Variants in SMYD3 observed in about 807,000 individuals in gnomAD.
The protein encoded by SMYD3 is SET and MYND domain containing 3.
In SMYD3, 36 loss-of-function variants were observed where a neutral mutation model predicts 57.7. The ratio of observed to expected loss-of-function variants is 0.62; its 90% CI spans 0.48 to 0.82. The LOEUF is 0.82. Among genes scored for constraint, SMYD3 ranks in the 40% least tolerant of loss-of-function variants. The pLI, the probability that SMYD3 is intolerant of heterozygous loss-of-function variation, is 0.00. For missense variants in SMYD3, 515 were observed against 538.8 expected (o/e 0.96, Z 0.44); for synonymous variants, 211 against 195.0 (o/e 1.08, Z -0.68).
At chr1:245,905,638 C>T (rs548194022) in intron 8 of SMYD3, among the ~76,000 whole-genome samples, 1 of 152,334 alleles carries the variant, frequency 6.6e-6, no homozygotes, top group East Asian at 1.9e-4. Flanking sequence ...CCTGGGGGAC[C>T]TCATGGCCCT....
chr1:246,432,795 T>G (rs2067316879), intron 1 of SMYD3, among the ~76,000 whole-genome samples: 2 of 152,182 alleles, frequency 1.3e-5, no homozygotes, highest in Admixed American at 1.3e-4. Flanking sequence ...TCCGAAAGCT[T>G]TTTTTAATAA....
At chr1:246,239,310 A>T (rs1254307279) in intron 5 of SMYD3, among the ~76,000 whole-genome samples, 1 of 151,804 alleles carries the variant, frequency 6.6e-6, no homozygotes, top group Non-Finnish European at 1.5e-5. Context: ...AAGTGTTCTC[A>T]TTGTTCAATT....
At chr1:246,211,519 G>C (rs535131514) in intron 5 of SMYD3, among the ~76,000 whole-genome samples, 1 of 147,624 alleles carries the variant, frequency 6.8e-6, no homozygotes, top group Admixed American at 6.9e-5. Flanking sequence ...AATTCTTTCA[G>C]ATGGGCAATG....
chr1:246,221,448 C>T (rs1272954273), intron 5 of SMYD3, among the ~76,000 whole-genome samples: 3 of 152,220 alleles, frequency 2.0e-5, no homozygotes, highest in African/African-American at 7.2e-5. Flanking sequence ...TTGCTCGCCA[C>T]GTTGTGGGCA....
At chr1:246,104,316 T>C (rs1278748241) in intron 5 of SMYD3, among the ~76,000 whole-genome samples, 2 of 152,220 alleles carry the variant, frequency 1.3e-5, no homozygotes, top group Admixed American at 6.5e-5. Context: ...ATGTCCAAAA[T>C]GATTTAAACA....
At chr1:246,146,750 A>G (rs1415865990) in intron 5 of SMYD3, among the ~76,000 whole-genome samples, 1 of 152,130 alleles carries the variant, frequency 6.6e-6, no homozygotes, top group East Asian at 1.9e-4. Context: ...AGAGCCACAT[A>G]CTCCAATTCA....
At chr1:245,894,636 G>T (rs1291741996) in intron 8 of SMYD3, among the ~76,000 whole-genome samples, 1 of 152,140 alleles carries the variant, frequency 6.6e-6, no homozygotes, top group Non-Finnish European at 1.5e-5. Flanking sequence ...GCTTTAGCAG[G>T]TATTCTAATT....
intron 1 of SMYD3, among the ~76,000 whole-genome samples, chr1:246,371,510 A>G (rs1328390163): frequency 1.3e-5 from 2 of 152,248 alleles, no homozygotes; most frequent in Non-Finnish European, 2.9e-5. Context: ...GAAGAAAAAA[A>G]TCTGATTTTT....
At chr1:245,865,229 A>G (rs2051768262) in intron 8 of SMYD3, among the ~76,000 whole-genome samples, 1 of 152,162 alleles carries the variant, frequency 6.6e-6, no homozygotes, top group Non-Finnish European at 1.5e-5. Context: ...TAGCTCTTCT[A>G]TGTATGTAAG....
At chr1:245,985,196 T>C (rs568672928) in intron 5 of SMYD3, among the ~76,000 whole-genome samples, 2 of 152,272 alleles carry the variant, frequency 1.3e-5, no homozygotes, top group South Asian at 2.1e-4. Context: ...TGGGGATCCC[T>C]TGGGACCTGT....
At chr1:246,086,646 A>T (rs2060727031) in intron 5 of SMYD3, among the ~76,000 whole-genome samples, 1 of 152,076 alleles carries the variant, frequency 6.6e-6, no homozygotes, top group Admixed American at 6.5e-5. Context: ...CCTCAGAGAG[A>T]GAGAAGGGAA....
intron 5 of SMYD3, among the ~76,000 whole-genome samples, chr1:245,932,024 AAGAC>A (rs1227694159): frequency 1.3e-5 from 2 of 152,228 alleles, no homozygotes; most frequent in Admixed American, 6.5e-5. Context: ...GTAAAAATAT[AAGAC>A]AGAAAGTCCT....
intron 1 of SMYD3, among the ~76,000 whole-genome samples, chr1:246,446,163 C>T: frequency 6.6e-6 from 1 of 152,218 alleles, no homozygotes; most frequent in East Asian, 1.9e-4. Context: ...GAAGAGGATA[C>T]TGCATTGTCT....
intron 5 of SMYD3, chr1:245,953,366 T>A (rs1042168269): frequency 3.1e-6 from 3 of 981,584 alleles, no homozygotes; most frequent in African/African-American, 3.5e-5. Context: ...CTGAAAAAAA[T>A]AAAAAGTGAG....
intron 5 of SMYD3, among the ~76,000 whole-genome samples, chr1:246,121,743 T>C (rs2061428624): frequency 6.6e-6 from 1 of 152,158 alleles, no homozygotes; most frequent in Non-Finnish European, 1.5e-5. Flanking sequence ...AGGAAGAACA[T>C]ATGCTGGAAA....
At chr1:245,850,065 A>G (rs554796868) in intron 10 of SMYD3, among the ~76,000 whole-genome samples, 14 of 152,198 alleles carry the variant, frequency 9.2e-5, no homozygotes, top group Non-Finnish European at 1.0e-4. Flanking sequence ...GTTTGGGGGG[A>G]AAAAGGAATT....
chr1:245,854,962 C>T (rs1039548646), intron 10 of SMYD3, among the ~76,000 whole-genome samples: 4 of 152,198 alleles, frequency 2.6e-5, no homozygotes, highest in African/African-American at 7.2e-5. Context: ...CATGCTAAGA[C>T]GGAGGTCTAT....
intron 5 of SMYD3, among the ~76,000 whole-genome samples, chr1:246,217,453 G>A (rs916306471): frequency 2.6e-5 from 4 of 152,074 alleles, no homozygotes; most frequent in African/African-American, 9.7e-5. Flanking sequence ...AGGTTGCACT[G>A]AGCCGAGATT....
At chr1:245,854,972 T>G (rs1340879961) in intron 10 of SMYD3, among the ~76,000 whole-genome samples, 2 of 152,240 alleles carry the variant, frequency 1.3e-5, no homozygotes, top group South Asian at 4.1e-4. Flanking sequence ...CGGAGGTCTA[T>G]CTGGCTCTGG....
Sources: gnomAD v4.1 joint callset for allele counts (sites outside exome capture counted in the v4.1 genomes callset) on GRCh38, gnomAD v4.1.1 for gene constraint, MANE v1.5 for transcripts, NCBI Gene and HGNC (gene_info 2026-07-23, HGNC 2026-07-21) for gene names.